Variants in SMARCA1 observed in about 807,000 individuals in gnomAD.
SMARCA1 encodes the protein SWI/SNF-related matrix-associated actin-dependent regulator of chromatin subfamily A member 1.
Under a neutral mutation model 93.6 loss-of-function variants are expected in SMARCA1, and 17 were observed. The observed-to-expected ratio is 0.18, with a 90% CI of 0.12 to 0.27. The LOEUF is 0.27. Among genes scored for constraint, SMARCA1 ranks in the 10% least tolerant of loss-of-function variants. SMARCA1 has a pLI of 1.00. For synonymous variants in SMARCA1, 271 were observed against 271.4 expected (o/e 1.00, Z 0.01); for missense variants, 630 against 819.0 (o/e 0.77, Z 2.82).
intron 21 of SMARCA1, among the ~76,000 whole-genome samples, 172 bp from the exon 22 acceptor site, chrX:129,466,134 T>C: frequency 9.0e-6 from 1 of 111,228 alleles, no homozygotes; most frequent in East Asian, 2.8e-4. Context: ...CTACTAACTT[T>C]TCACTTAAAA....
intron 17 of SMARCA1, among the ~76,000 whole-genome samples, chrX:129,486,151 T>C (rs1395049569): frequency 9.0e-6 from 1 of 110,587 alleles, no homozygotes; most frequent in Non-Finnish European, 1.9e-5. Context: ...ATAAAGTCTA[T>C]TTTTTTAAAA....
chrX:129,503,939 T>A (rs1352860803), intron 9 of SMARCA1, among the ~76,000 whole-genome samples: 2 of 89,086 alleles, frequency 2.2e-5, no homozygotes, highest in African/African-American at 8.9e-5. Context: ...TCCAGCAGCC[T>A]GGGCTATAGA....
Position 129,487,066 on chromosome X carries a change from T to C in SMARCA1, c.2169A>G (p.Glu723=). 8.6e-7 allele frequency: 1 copy of C among 1,164,048 alleles called. No individual in the cohort carries two copies. Among genetic ancestry groups the C allele is most frequent in the East Asian group, 3.0e-5 (1 of 33,416 alleles). Reference sequence around the variant, plus strand: ...CTCCCTCAAATTTGTATAAACTTTGTTCAATGTCCATTCTAAAATTTCTTA... The same window carrying C: ...CTCCCTCAAATTTGTATAAACTTTGCTCAATGTCCATTCTAAAATTTCTTA... ...SSLRNFRMDI[E]QSLYKFEGED... is the part of the protein sequence containing the mutation. Residue 723 remains glutamate, a synonymous_variant, in exon 17 of 25, where the codon GAA becomes GAG. Coordinates refer to ENST00000371121, the MANE Select transcript of SMARCA1 (RefSeq NM_001282874.2).
chrX:129,498,324 T>G (rs1934415680), intron 10 of SMARCA1, among the ~76,000 whole-genome samples: 1 of 112,130 alleles, frequency 8.9e-6, no homozygotes, highest in Non-Finnish European at 1.9e-5. Flanking sequence ...TAGAGAATTC[T>G]ATCTGCTAAT....
intron 9 of SMARCA1, among the ~76,000 whole-genome samples, chrX:129,500,464 C>A (rs1934518293): frequency 8.9e-6 from 1 of 112,665 alleles, no homozygotes; most frequent in Non-Finnish European, 1.9e-5. Flanking sequence ...CTGTGCCCAG[C>A]CCACAACAAG....
rs769934942 is a variant in SMARCA1 at position 129,490,124 on chromosome X, A to G, written c.1884T>C (p.Val628=). Residue 628 remains valine, a synonymous_variant, in exon 15 of 25, where the codon GTT becomes GTC. Coordinates refer to ENST00000371121, the MANE Select transcript of SMARCA1 (RefSeq NM_001282874.2). ...CAGCTCTTTCTACAATCCTCTCTTC[A>G]ACAGTGTTGTCAGTGATGAGACGGA... ...RVFRLITDNT[V]EERIVERAEI... The G allele has an allele frequency of 8.4e-7, 1 of 1,187,093 alleles. No homozygotes were observed. The highest frequency in any genetic ancestry group is 1.1e-6 in the Non-Finnish European group (1 of 873,379).
At chrX:129,504,571 A>C (rs1037902144) in intron 9 of SMARCA1, among the ~76,000 whole-genome samples, 163 bp downstream of exon 9, 3 of 100,700 alleles carry the variant, frequency 3.0e-5, no homozygotes, top group East Asian at 3.0e-4. Context: ...AAAAAAAAAA[A>C]AAAAAAAAAA....
intron 1 of SMARCA1, among the ~76,000 whole-genome samples, chrX:129,519,637 C>T (rs12015013): frequency 0.022 from 2,474 of 111,481 alleles, 67 homozygotes; most frequent in African/African-American, 0.075. Context: ...AAATAATAAC[C>T]ATCTTGATTT....
At chrX:129,483,493 TTAA>T (rs1446328877) in intron 17 of SMARCA1, among the ~76,000 whole-genome samples, 1 of 107,416 alleles carries the variant, frequency 9.3e-6, no homozygotes, top group African/African-American at 3.3e-5. Flanking sequence ...TTCAGATGGA[TTAA>T]TGTGAAGCGA....
chrX:129,522,212 G>A (rs1258730677), intron 1 of SMARCA1, among the ~76,000 whole-genome samples: 18 of 110,994 alleles, frequency 1.6e-4, no homozygotes, highest in Non-Finnish European at 3.0e-4. Flanking sequence ...GTGCCTTATG[G>A]AGATAATACA....
At chrX:129,450,529 C>T (rs776587717) in intron 23 of SMARCA1, among the ~76,000 whole-genome samples, 4 of 111,963 alleles carry the variant, frequency 3.6e-5, no homozygotes, top group Non-Finnish European at 7.5e-5. Context: ...ACCCTTTGAC[C>T]TAGCAATTCC....
chrX:129,508,524 A>G (rs1286857682), intron 6 of SMARCA1, among the ~76,000 whole-genome samples: 2 of 112,552 alleles, frequency 1.8e-5, no homozygotes, highest in Non-Finnish European at 3.7e-5. Context: ...CTCAATGTGC[A>G]TGAATGATTC....
chrX:129,493,603 A>T (rs1709519618), intron 12 of SMARCA1, among the ~76,000 whole-genome samples: 1 of 111,407 alleles, frequency 9.0e-6, no homozygotes, highest in Admixed American at 9.6e-5. Context: ...AATAGCAAAA[A>T]CTTGGGCATG....
chrX:129,449,693 A>G (rs1459885125), intron 23 of SMARCA1, among the ~76,000 whole-genome samples: 1 of 111,898 alleles, frequency 8.9e-6, no homozygotes, highest in African/African-American at 3.2e-5. Context: ...TTAAAATATG[A>G]TTCCTTTTCT....
intron 23 of SMARCA1, among the ~76,000 whole-genome samples, chrX:129,454,931 C>T (rs771097295): frequency 3.6e-5 from 4 of 111,492 alleles, no homozygotes; most frequent in South Asian, 3.8e-4. Context: ...GTTAGGGTGG[C>T]GATCATTAAA....
chrX:129,491,173 G>A (rs1602697704), intron 14 of SMARCA1, among the ~76,000 whole-genome samples: 1 of 111,821 alleles, frequency 8.9e-6, no homozygotes, highest in Non-Finnish European at 1.9e-5. Flanking sequence ...AGCCTTCTAA[G>A]TTATACCTCA....
rs200383936 is a variant in SMARCA1, at chrX:129,471,646, AC to A, written c.2443-321del. ...CAAACAAAAAGTTTAGTGGTAAAAA[AC>A]AAAAAAGAATCCATATTCCCCTGGC... On this transcript the variant is annotated intron_variant, in intron 19 of 24. Transcript: ENST00000371121. 0.012 allele frequency among the ~76,000 whole-genome samples: 1,295 copies of A among 111,023 alleles called. 34 individuals carry two copies. In the East Asian group the frequency reaches 0.15, roughly 13 times the overall value.
intron 17 of SMARCA1, among the ~76,000 whole-genome samples, chrX:129,484,840 A>G (rs990639208): frequency 2.7e-5 from 3 of 112,427 alleles, no homozygotes; most frequent in African/African-American, 3.2e-5. Context: ...GGCAAGCTCC[A>G]CCAGTACATG....
At chrX:129,510,172 T>C (rs1471902392) in intron 6 of SMARCA1, among the ~76,000 whole-genome samples, 2 of 112,217 alleles carry the variant, frequency 1.8e-5, no homozygotes, top group African/African-American at 6.5e-5. Context: ...TGAATTGCAA[T>C]CCAGTATATA....
Sources: gnomAD v4.1 joint callset for allele counts (sites outside exome capture counted in the v4.1 genomes callset) on GRCh38, gnomAD v4.1.1 for gene constraint, MANE v1.5 for transcripts, NCBI Gene and HGNC (gene_info 2026-07-23, HGNC 2026-07-21) for gene names.